DIS3L: variants seen among roughly 807,000 people sequenced by gnomAD.
DIS3L encodes DIS3-like exonuclease 1.
DIS3L carries 100 observed loss-of-function variants against 120.3 expected under a neutral mutation model. That is an observed-to-expected ratio of 0.83 (90% CI 0.71 to 0.98). The LOEUF (loss-of-function observed/expected upper bound fraction) is 0.98, where lower values mean the gene tolerates loss of function less well. Ranked by LOEUF, DIS3L falls within the 50% of genes least tolerant of loss-of-function variation. The probability of loss-of-function intolerance (pLI) is 0.00; values close to 1 mark genes in which losing one functional copy is unlikely to be tolerated. For missense variants in DIS3L, 1,196 were observed against 1,314.2 expected, an observed-to-expected ratio of 0.91 and a Z score of 1.39; for synonymous variants, 426 against 470.6, an observed-to-expected ratio of 0.91 and a Z score of 1.23.
At chr15:66,315,878 C>T (rs777233371) in intron 7 of DIS3L, among the ~76,000 whole-genome samples, 1 of 152,162 alleles carries the variant, frequency 6.6e-6, no homozygotes, top group Non-Finnish European at 1.5e-5. Flanking sequence ...CAGCCTCCAT[C>T]GTCTGGAAGC....
intron 15 of DIS3L, among the ~76,000 whole-genome samples, chr15:66,332,485 A>AGTGTGTGT (rs778480622): frequency 0.13 from 13,989 of 108,768 alleles, 951 homozygotes; most frequent in Non-Finnish European, 0.18. Context: ...TGAAGACTGG[A>AGTGTGTGT]GTGTGTGTGT....
At chr15:66,324,538 C>G (rs985508873) in intron 11 of DIS3L, among the ~76,000 whole-genome samples, 1 of 152,148 alleles carries the variant, frequency 6.6e-6, no homozygotes, top group Admixed American at 6.6e-5. Flanking sequence ...TATGGGATTT[C>G]TGTGTCAAGA....
intron 2 of DIS3L, 24 bp from the exon 3 acceptor site, chr15:66,306,799 GT>G (rs2140341661): frequency 6.2e-7 from 1 of 1,613,020 alleles, no homozygotes; most frequent in East Asian, 2.2e-5. Flanking sequence ...CTTTGTTAGA[GT>G]TATTTTTCTC....
intron 14 of DIS3L, chr15:66,329,622 T>C (rs904965827): frequency 8.0e-7 from 1 of 1,242,552 alleles, no homozygotes; most frequent in African/African-American, 1.5e-5. Context: ...GGTGGAAATG[T>C]AAAGATTCAA....
At chr15:66,309,285 A>G (rs2092737348) in intron 4 of DIS3L, among the ~76,000 whole-genome samples, 1 of 150,634 alleles carries the variant, frequency 6.6e-6, no homozygotes, top group Admixed American at 6.7e-5. Context: ...ATTATGCCCC[A>G]ACTATTTAAT....
intron 2 of DIS3L, among the ~76,000 whole-genome samples, chr15:66,296,230 T>G (rs1018734216): frequency 1.3e-5 from 2 of 152,342 alleles, no homozygotes. Flanking sequence ...TTTTCTGAAA[T>G]ATTTTTAATG....
chr15:66,316,609 A>G (rs902146024), intron 7 of DIS3L, among the ~76,000 whole-genome samples: 2 of 152,162 alleles, frequency 1.3e-5, no homozygotes, highest in Non-Finnish European at 2.9e-5. Flanking sequence ...TGAGGTCAGG[A>G]GTTCGAGACC....
intron 9 of DIS3L, among the ~76,000 whole-genome samples, chr15:66,321,070 G>A (rs771367880): frequency 2.4e-4 from 37 of 152,154 alleles, no homozygotes; most frequent in Non-Finnish European, 4.0e-4. Context: ...CACACTCTCT[G>A]TCCAAATCAT....
chr15:66,312,001 G>C, intron 5 of DIS3L, 101 bp downstream of exon 5: 1 of 1,374,316 alleles, frequency 7.3e-7, no homozygotes. Flanking sequence ...TAGCCCAGGA[G>C]CTGGAGACCA....
chr15:66,305,360 G>A (rs2092693864), intron 2 of DIS3L, among the ~76,000 whole-genome samples: 2 of 152,036 alleles, frequency 1.3e-5, no homozygotes, highest in Admixed American at 1.3e-4. Flanking sequence ...GGTGATCAGT[G>A]TTTATGCATT....
At chr15:66,296,205 C>T (rs2092584607) in intron 2 of DIS3L, among the ~76,000 whole-genome samples, 1 of 152,252 alleles carries the variant, frequency 6.6e-6, no homozygotes, top group South Asian at 2.1e-4. Context: ...ACACTGCGAG[C>T]CTTTTCAACT....
intron 15 of DIS3L, among the ~76,000 whole-genome samples, chr15:66,332,510 GTGTGTATA>G (rs2093011355): frequency 1.4e-5 from 1 of 72,040 alleles, no homozygotes; most frequent in African/African-American, 3.5e-5. Context: ...GTGTGTGTGT[GTGTGTATA>G]TATATACACA....
rs755352490 is a variant in DIS3L at position 66,313,769 on chromosome 15, G to GTA, written c.736-260_736-259dup. ...AAAAAGTGTATATGTGTGTGTGTGT[G>GTA]TATATATATATGTGTGTGTGTATAT... On this transcript the variant is annotated intron_variant, in intron 5 of 16. Coordinates refer to ENST00000319212, the MANE Select transcript of DIS3L (RefSeq NM_001143688.3). Among the ~76,000 whole-genome samples the GTA allele has an allele frequency of 2.8e-3, 341 of 123,424 alleles. 1 individual carries two copies. Among genetic ancestry groups the GTA allele is most frequent in the Non-Finnish European group, 2.9e-3 (150 of 51,352 alleles). The allele number at this position is 123,424 out of a possible 152,430, so 81.0% of individuals were successfully genotyped here.
At chr15:66,311,528 G>A (rs569241330) in intron 4 of DIS3L, among the ~76,000 whole-genome samples, 196 bp from the exon 5 acceptor site, 2 of 152,168 alleles carry the variant, frequency 1.3e-5, no homozygotes, top group South Asian at 4.2e-4. Flanking sequence ...TGGCTTCCTG[G>A]GGCTCATTTG....
At chr15:66,323,713 C>T in intron 11 of DIS3L, 128 bp downstream of exon 11, 1 of 909,804 alleles carries the variant, frequency 1.1e-6, no homozygotes, top group Non-Finnish European at 1.7e-6. Context: ...CCTCTGACCT[C>T]TCAACCTCAC....
intron 7 of DIS3L, among the ~76,000 whole-genome samples, chr15:66,317,321 T>C (rs113632736): frequency 5.4e-4 from 80 of 149,394 alleles, no homozygotes; most frequent in African/African-American, 1.8e-3. Context: ...TCATACCTGG[T>C]TGGAGCTCAG....
In DIS3L at chr15:66,308,816, CAGA is replaced by C. The variant is rs754674822; in HGVS notation, c.533_535del (p.Glu178del). ...GCAATTCAGCAGTATGGAAGTGAAA[CAGA>C]AGGAGTATTCGTGATTACTTTCAAG... On this transcript the variant is annotated inframe_deletion, in exon 4 of 17. Coordinates refer to ENST00000319212, the MANE Select transcript of DIS3L (RefSeq NM_001143688.3). The C allele has an allele frequency of 3.8e-5, 62 of 1,613,176 alleles. No homozygotes were observed. The East Asian group carries it at 6.7e-4, about 17-fold the overall frequency.
Position 66,333,141 on chromosome 15 carries a change from A to G in DIS3L, c.2994A>G (p.Lys998=). 6.2e-7 allele frequency: 1 copy of G among 1,613,910 alleles called. No individual in the cohort carries two copies. The highest frequency in any genetic ancestry group is 2.2e-5 in the East Asian group (1 of 44,880). The stretch of plus-strand genomic sequence containing the variant: ...CCTTGCTGAAGAGTGAGTTAGTGAA[A>G]GAAGTAACTAAATCTGTGGAAGAAG... ...SSPLLKSELV[K]EVTKSVEEAQ... The change falls in exon 17 of 17, where the codon AAA becomes AAG. Residue 998 remains lysine (K), a synonymous_variant. Transcript: ENST00000319212.
intron 2 of DIS3L, among the ~76,000 whole-genome samples, chr15:66,302,557 G>A (rs370650254): frequency 4.6e-5 from 7 of 152,302 alleles, no homozygotes; most frequent in Admixed American, 2.0e-4. Context: ...CATTTGGAAA[G>A]CATTGATTCA....
Sources: allele counts gnomAD v4.1 joint callset (sites outside exome capture counted in the v4.1 genomes callset), GRCh38; gene constraint gnomAD v4.1.1; transcripts MANE v1.5; gene names NCBI Gene and HGNC (gene_info 2026-07-23, HGNC 2026-07-21).